SLC25A18: variants seen among roughly 807,000 people sequenced by gnomAD.
The protein encoded by SLC25A18 is solute carrier family 25 member 18, also known as mitochondrial glutamate carrier 2.
Under a neutral mutation model 31.1 loss-of-function variants are expected in SLC25A18, and 24 were observed. The observed-to-expected ratio is 0.77, with a 90% CI of 0.56 to 1.08. The LOEUF is 1.08. Among genes scored for constraint, SLC25A18 ranks in the 50% least tolerant of loss-of-function variants. The pLI, the probability that SLC25A18 is intolerant of heterozygous loss-of-function variation, is 0.00. For missense variants in SLC25A18, 371 were observed against 418.5 expected (o/e 0.89, Z 0.99); for synonymous variants, 173 against 161.9 (o/e 1.07, Z -0.52).
intron 1 of SLC25A18, among the ~76,000 whole-genome samples, chr22:17,564,001 C>T (rs746857546): frequency 3.3e-5 from 5 of 152,160 alleles, no homozygotes; most frequent in Non-Finnish European, 5.9e-5. Context: ...GCTGCGGGCT[C>T]ATCAGTTTGG....
chr22:17,580,944 C>T (rs1287612673), intron 3 of SLC25A18, 93 bp from the exon 4 acceptor site: 2 of 1,463,168 alleles, frequency 1.4e-6, no homozygotes, highest in East Asian at 2.5e-5. Context: ...GGGTTCCCCA[C>T]TGTCTGTGCC....
intron 1 of SLC25A18, among the ~76,000 whole-genome samples, chr22:17,569,158 G>A (rs530389318): frequency 2.6e-5 from 4 of 151,720 alleles, no homozygotes; most frequent in Non-Finnish European, 4.4e-5. Context: ...ACAGGCGCCC[G>A]CCACCACGCC....
chr22:17,584,446 G>GGAGAGAGAGAGA (rs60872688), intron 7 of SLC25A18, among the ~76,000 whole-genome samples: 1 of 116,820 alleles, frequency 8.6e-6, no homozygotes, highest in African/African-American at 3.4e-5. Flanking sequence ...AAGGAAGGAA[G>GGAGAGAGAGAGA]GAGAGAGAGA....
intron 2 of SLC25A18, among the ~76,000 whole-genome samples, chr22:17,574,772 C>T (rs531557454): frequency 2.9e-4 from 44 of 150,282 alleles, no homozygotes; most frequent in African/African-American, 9.6e-4. Flanking sequence ...CACCCACCCT[C>T]GGCCTCCCAG....
chr22:17,572,636 AATTTTTT>A (rs1474409504), intron 2 of SLC25A18, among the ~76,000 whole-genome samples: 7,323 of 102,706 alleles, frequency 0.071, 843 homozygotes, highest in African/African-American at 0.25. Flanking sequence ...TCTACAAATA[AATTTTTT>A]TTTTTTTTTT....
chr22:17,567,911 A>C (rs537001081), intron 1 of SLC25A18, among the ~76,000 whole-genome samples: 108 of 152,080 alleles, frequency 7.1e-4, no homozygotes, highest in African/African-American at 2.5e-3. Flanking sequence ...ACTTGCTAGC[A>C]GTTTTGTCAC....
rs538858829 is a variant in SLC25A18 at position 17,587,075 on chromosome 22, C to G, written c.410-61C>G. On this transcript the variant is annotated intron_variant, in intron 7 of 10. Transcript: ENST00000327451. The stretch of plus-strand genomic sequence containing the variant: ...AGGGGCAGGGATTGAGAGCCACACT[C>G]AGGAGTGTTTCGTAGCATCTGTTGG... 6.2e-5 allele frequency: 97 copies of G among 1,574,784 alleles called. No homozygotes were observed. The African/African-American group carries it at 1.2e-3, about 19-fold the overall frequency.
chr22:17,579,805 G>A lies in SLC25A18; in HGVS notation c.-140G>A. ...CCGGGAAGGTGGCTCGGGCCAGGCT[G>A]CACTCAAAACCCGTGCTCTGTCCAC... On this transcript the variant is annotated 5_prime_UTR_variant, in exon 3 of 11. Transcript: ENST00000327451. 2 of 1,427,922 alleles carry A rather than the reference G, an allele frequency of 1.4e-6. No homozygotes were observed. The highest frequency in any genetic ancestry group is 9.2e-7 in the Non-Finnish European group (1 of 1,086,746). The allele number at this position is 1,427,922 out of a possible 1,614,324, so 88.5% of individuals were successfully genotyped here. A position where few individuals can be genotyped will look rare whatever the true frequency, so the allele number is the denominator to read the frequency against.
intron 9 of SLC25A18, 55 bp downstream of exon 9, chr22:17,588,134 A>G (rs758943614): frequency 2.5e-6 from 4 of 1,603,070 alleles, no homozygotes; most frequent in Admixed American, 3.5e-5. Flanking sequence ...TTTTGCACTT[A>G]TAGATAAAAC....
chr22:17,590,257 C>T lies in SLC25A18; in HGVS notation c.*21C>T. 1 of 1,613,856 alleles carries T rather than the reference C, an allele frequency of 6.2e-7. No individual in the cohort carries two copies. The highest frequency in any genetic ancestry group is 8.5e-7 in the Non-Finnish European group (1 of 1,179,838). On this transcript the variant is annotated 3_prime_UTR_variant, in exon 11 of 11. Transcript: ENST00000327451. The stretch of plus-strand genomic sequence containing the variant: ...ACTAGACAGAGCTGGAGGTCAAGTC[C>T]CTGCGCTTGCCGCCCTCTCTCTAGC...
At chr22:17,584,463 GAGAGAGAGAA>G (rs1341696249) in intron 7 of SLC25A18, among the ~76,000 whole-genome samples, 108 of 141,418 alleles carry the variant, frequency 7.6e-4, no homozygotes, top group African/African-American at 2.5e-3. Context: ...GAGAGAGAGA[GAGAGAGAGAA>G]AGAAAGAAAG....
At chr22:17,564,430 G>A (rs1258093872) in intron 1 of SLC25A18, among the ~76,000 whole-genome samples, 2 of 152,178 alleles carry the variant, frequency 1.3e-5, no homozygotes, top group Non-Finnish European at 2.9e-5. Context: ...GATGCAAACT[G>A]ACCTGGAAGA....
At chr22:17,575,232 T>C (rs1475252524) in intron 2 of SLC25A18, among the ~76,000 whole-genome samples, 1 of 152,184 alleles carries the variant, frequency 6.6e-6, no homozygotes, top group Non-Finnish European at 1.5e-5. Context: ...GCACGCACTG[T>C]CTAAGCCGCT....
chr22:17,573,987 C>T (rs973816436), intron 2 of SLC25A18, among the ~76,000 whole-genome samples: 4 of 152,150 alleles, frequency 2.6e-5, no homozygotes, highest in Admixed American at 1.3e-4. Context: ...CCCGACACTT[C>T]GGGAGGTGGA....
rs1601327180 is a variant in SLC25A18 at position 17,583,608 on chromosome 22, C to T, written c.409+74C>T. Reference sequence around the variant, plus strand: ...GAACCAGGCACATCCCACATCCCAACCTCATTTGCTAGGCTGTGTGACCAG... The same window carrying T: ...GAACCAGGCACATCCCACATCCCAATCTCATTTGCTAGGCTGTGTGACCAG... On this transcript the variant is annotated intron_variant, in intron 7 of 10. Transcript: ENST00000327451. 7 of 1,545,798 alleles carry T rather than the reference C, an allele frequency of 4.5e-6. No individual in the cohort carries two copies. The East Asian group carries it at 1.4e-4, about 31-fold the overall frequency.
At chr22:17,580,446 C>T in intron 3 of SLC25A18, 2 of 805,348 alleles carry the variant, frequency 2.5e-6, no homozygotes, top group Non-Finnish European at 3.0e-6. Flanking sequence ...GTTATCTAAA[C>T]TGTGGCTTTA....
At chr22:17,578,548 GAA>G (rs2057290357) in intron 2 of SLC25A18, among the ~76,000 whole-genome samples, 1 of 152,178 alleles carries the variant, frequency 6.6e-6, no homozygotes, top group Admixed American at 6.5e-5. Flanking sequence ...GCACCGGAGA[GAA>G]GAGGCTCCTC....
chr22:17,568,493 G>A (rs1569175239), intron 1 of SLC25A18, among the ~76,000 whole-genome samples: 2 of 148,450 alleles, frequency 1.3e-5, no homozygotes, highest in African/African-American at 4.9e-5. Context: ...GTTTGGACCA[G>A]TATAAGTATG....
intron 3 of SLC25A18, chr22:17,580,726 C>CGGG: frequency 8.9e-7 from 1 of 1,119,272 alleles, no homozygotes; most frequent in African/African-American, 1.6e-5. Context: ...AGCCAGAGGA[C>CGGG]GGGCCGGGGA....
Sources: gnomAD v4.1 joint callset for allele counts (sites outside exome capture counted in the v4.1 genomes callset) on GRCh38, gnomAD v4.1.1 for gene constraint, MANE v1.5 for transcripts, NCBI Gene and HGNC (gene_info 2026-07-23, HGNC 2026-07-21) for gene names.